Variants in TEX264 observed in about 807,000 individuals in gnomAD.
TEX264 encodes testis expressed 264, ER-phagy receptor.
A neutral mutation model predicts 23.4 loss-of-function variants in TEX264; 13 were observed. The observed-to-expected ratio is 0.56, with a 90% CI of 0.36 to 0.88. The LOEUF is 0.88. TEX264 is among the 40% of genes least tolerant of loss of function. The pLI is 0.01. For missense variants in TEX264, 340 were observed against 406.8 expected, an observed-to-expected ratio of 0.84 and a Z score of 1.41; for synonymous variants, 159 against 170.0, an observed-to-expected ratio of 0.94 and a Z score of 0.50.
At chr3:51,688,501 T>G (rs1702705453) in intron 3 of TEX264, among the ~76,000 whole-genome samples, 1 of 152,176 alleles carries the variant, frequency 6.6e-6, no homozygotes, top group African/African-American at 2.4e-5. Flanking sequence ...CATGCCTGAT[T>G]TCTCTCCCAG....
intron 2 of TEX264, among the ~76,000 whole-genome samples, chr3:51,680,338 C>A (rs929188319): frequency 6.6e-6 from 1 of 152,156 alleles, no homozygotes; most frequent in Non-Finnish European, 1.5e-5. Flanking sequence ...TTGGCAGGGG[C>A]CCCGAGATGG....
rs1703403533 is a variant in TEX264, at chr3:51,703,623, G to A, written c.650-101G>A. ...TGGAGCAAGCCCCCTGAGCCCGGGA[G>A]GCTGCATTATTCATGAGTGCACTGC... On this transcript the variant is annotated intron_variant, in intron 4 of 4. Transcript: ENST00000341333. The surrounding 1 kb of genome is among the most constrained non-coding windows in gnomAD (Gnocchi z 4.8). The A allele has an allele frequency of 8.0e-7, 1 of 1,256,110 alleles. No homozygotes were observed. The highest frequency in any genetic ancestry group is 1.1e-6 in the Non-Finnish European group (1 of 912,148). The allele number at this position is 1,256,110 out of a possible 1,614,324, so 77.8% of individuals were successfully genotyped here.
In TEX264 at chr3:51,703,974, G is replaced by A; in HGVS notation, c.900G>A (p.Lys300=). ...DPGTEPLGTT[K]WLWEPTAPEK... ...GGACTGAGCCCCTGGGGACTACCAAGTGGCTCTGGGAGCCCACTGCCCCTG... is the reference window on the plus strand; with the variant it reads ...GGACTGAGCCCCTGGGGACTACCAAATGGCTCTGGGAGCCCACTGCCCCTG... Residue 300 remains lysine (K), a synonymous_variant, in exon 5 of 5, where the codon AAG becomes AAA. Transcript: ENST00000341333. This position sits in a 1 kb window ranked among gnomAD's most constrained non-coding sequence, Gnocchi z 4.8. 1 of 1,558,994 alleles carries A rather than the reference G, an allele frequency of 6.4e-7. No homozygotes were observed. Among genetic ancestry groups the A allele is most frequent in the Admixed American group, 1.8e-5 (1 of 54,376 alleles).
In TEX264 at chr3:51,703,846, C is replaced by G. The variant is rs756522578; in HGVS notation, c.772C>G (p.Arg258Gly). Residue 258 changes from arginine to glycine, a missense_variant, in exon 5 of 5, where the codon CGC becomes GGC. By Grantham distance (125) the Arg-to-Gly change is moderately radical. Transcript: ENST00000341333. This position sits in a 1 kb window ranked among gnomAD's most constrained non-coding sequence, Gnocchi z 4.8. ...SSRGWDDGDT[R>G]SEHSYSESGA... ...CCGTGGCTGGGATGACGGTGACACCCGCAGCGAGCACAGCTACAGCGAGTC... is the reference window on the plus strand; with the variant it reads ...CCGTGGCTGGGATGACGGTGACACCGGCAGCGAGCACAGCTACAGCGAGTC... The G allele has an allele frequency of 1.9e-6, 3 of 1,613,048 alleles. No homozygotes were observed. The highest frequency in any genetic ancestry group is 1.7e-6 in the Non-Finnish European group (2 of 1,179,404).
chr3:51,687,828 A>G (rs1054972110), intron 3 of TEX264, among the ~76,000 whole-genome samples: 3 of 152,172 alleles, frequency 2.0e-5, no homozygotes, highest in African/African-American at 7.2e-5. Context: ...GATTGGTCTC[A>G]TGGGACAGAG....
At chr3:51,687,741 G>T (rs1702676776) in intron 3 of TEX264, among the ~76,000 whole-genome samples, 1 of 152,160 alleles carries the variant, frequency 6.6e-6, no homozygotes, top group African/African-American at 2.4e-5. Context: ...AGGGGTGAAT[G>T]GATCTTAGCT....
rs1702809706 is a variant in TEX264, at chr3:51,691,007, T to A, written c.480+6373T>A. On this transcript the variant is annotated intron_variant, in intron 3 of 4. Transcript: ENST00000341333. This position sits in a 1 kb window ranked among gnomAD's most constrained non-coding sequence, Gnocchi z 4.4. ...GAACCAAGAGGCTGAGAACTTGTCATCAATTTGGGATATGCTCGGGATGGT... is the reference window on the plus strand; with the variant it reads ...GAACCAAGAGGCTGAGAACTTGTCAACAATTTGGGATATGCTCGGGATGGT... Among the ~76,000 whole-genome samples, 1 of 152,220 alleles carries A rather than the reference T, an allele frequency of 6.6e-6. No homozygotes were observed. Among genetic ancestry groups the A allele is most frequent in the Non-Finnish European group, 1.5e-5 (1 of 68,028 alleles).
At chr3:51,702,998 G>A (rs1243109695) in intron 4 of TEX264, among the ~76,000 whole-genome samples, 1 of 152,204 alleles carries the variant, frequency 6.6e-6, no homozygotes, top group Non-Finnish European at 1.5e-5. Context: ...CATTGGGGGT[G>A]GGGTGGGTAA....
In TEX264 at chr3:51,704,253, CT is replaced by C; in HGVS notation, c.*244del. ...CCCAGGGCTGCCACCCCTGTTGTGT[CT>C]TTTTTTCAGACTCACAGTGGAGCTT... On this transcript the variant is annotated 3_prime_UTR_variant, in exon 5 of 5. Coordinates refer to ENST00000341333, the MANE Select transcript of TEX264 (RefSeq NM_015926.6). 2.4e-5 allele frequency: 9 copies of C among 377,740 alleles called. No individual in the cohort carries two copies. Among genetic ancestry groups the C allele is most frequent in the Middle Eastern group, 6.7e-4 (1 of 1,488 alleles). The allele number at this position is 377,740 out of a possible 1,614,324, so 23.4% of individuals were successfully genotyped here.
chr3:51,703,949 G>T lies in TEX264; in HGVS notation c.875G>T (p.Gly292Val). 1 of 1,587,864 alleles carries T rather than the reference G, an allele frequency of 6.3e-7. No homozygotes were observed. Reference protein sequence around the residue: ...GPLGESRLDPGTEPLGTTKWL... With the variant: ...GPLGESRLDPVTEPLGTTKWL... ...TTAGGGGAGTCACGGCTGGACCCTG[G>T]GACTGAGCCCCTGGGGACTACCAAG... Residue 292 changes from glycine (G) to valine (V), a missense_variant, in exon 5 of 5, where the codon GGG (glycine) becomes GTG (valine). Physicochemically the swap from Gly to Val is moderately radical, Grantham distance 109 (BLOSUM62 -3). Transcript: ENST00000341333. This position sits in a 1 kb window ranked among gnomAD's most constrained non-coding sequence, Gnocchi z 4.8.
chr3:51,673,808 GTCCTCC>G (rs1262293672), intron 1 of TEX264, among the ~76,000 whole-genome samples: 4 of 152,224 alleles, frequency 2.6e-5, no homozygotes, highest in Non-Finnish European at 5.9e-5. Flanking sequence ...GCATTTGCCA[GTCCTCC>G]CTCTGGCAGT....
intron 3 of TEX264, among the ~76,000 whole-genome samples, chr3:51,689,174 A>T (rs1021436160): frequency 6.6e-6 from 1 of 152,128 alleles, no homozygotes; most frequent in Non-Finnish European, 1.5e-5. Context: ...CTGTAATCCC[A>T]GCACTTTGGG....
chr3:51,674,673 G>T, intron 2 of TEX264, 111 bp downstream of exon 2: 1 of 1,330,078 alleles, frequency 7.5e-7, no homozygotes, highest in Non-Finnish European at 1.0e-6. Flanking sequence ...CTTCAAGCTG[G>T]CCCTGCAGAC....
chr3:51,701,274 G>A (rs1364120101), intron 4 of TEX264, among the ~76,000 whole-genome samples: 3 of 151,658 alleles, frequency 2.0e-5, no homozygotes, highest in Non-Finnish European at 4.4e-5. Context: ...CTCCTCCTGT[G>A]TAGATCTTGG....
intron 3 of TEX264, among the ~76,000 whole-genome samples, 171 bp downstream of exon 3, chr3:51,684,805 T>G (rs1702557220): frequency 6.6e-6 from 1 of 152,198 alleles, no homozygotes; most frequent in Non-Finnish European, 1.5e-5. Flanking sequence ...GTTGTTGGCA[T>G]CTCTTTCAGA....
In TEX264 at chr3:51,703,359, T is replaced by C. The variant is rs1703386637; in HGVS notation, c.650-365T>C. Among the ~76,000 whole-genome samples the C allele has an allele frequency of 6.6e-6, 1 of 151,886 alleles. No individual in the cohort carries two copies. The highest frequency in any genetic ancestry group is 1.5e-5 in the Non-Finnish European group (1 of 67,796). ...TGGAGAGGACACTACTTGTGTCTCT[T>C]TGTTCTACCTCAGCTCCTCACCTCA... On this transcript the variant is annotated intron_variant, in intron 4 of 4. Coordinates refer to ENST00000341333, the MANE Select transcript of TEX264 (RefSeq NM_015926.6). The surrounding 1 kb of genome is among the most constrained non-coding windows in gnomAD (Gnocchi z 4.8).
chr3:51,701,994 G>A (rs1011291719), intron 4 of TEX264, among the ~76,000 whole-genome samples: 1 of 152,202 alleles, frequency 6.6e-6, no homozygotes, highest in Non-Finnish European at 1.5e-5. Context: ...CATTTCAGCA[G>A]GCTGTCCTGG....
chr3:51,694,744 C>T (rs1702992557), intron 3 of TEX264, among the ~76,000 whole-genome samples: 1 of 152,178 alleles, frequency 6.6e-6, no homozygotes, highest in Middle Eastern at 3.2e-3. Flanking sequence ...CCTTTGCCTG[C>T]CATTTTCAGA....
chr3:51,682,152 G>A (rs1183710332), intron 2 of TEX264: 1 of 152,184 alleles, frequency 6.6e-6, no homozygotes, highest in Non-Finnish European at 1.5e-5. Context: ...GTAGGGTCAG[G>A]GACATGAAGA....
Sources: allele counts gnomAD v4.1 joint callset (sites outside exome capture counted in the v4.1 genomes callset), GRCh38; gene constraint gnomAD v4.1.1; non-coding constraint Gnocchi (gnomAD v3.1); transcripts MANE v1.5; gene names NCBI Gene and HGNC (gene_info 2026-07-23, HGNC 2026-07-21).